The following SIAH3 variants were observed in gnomAD, a reference collection of about 807,000 sequenced individuals.
SIAH3 encodes siah E3 ubiquitin protein ligase family member 3, also known as seven in absentia homolog 3.
A neutral mutation model predicts 12.6 loss-of-function variants in SIAH3; 9 were observed. That is an observed-to-expected ratio of 0.72 (90% confidence interval 0.43 to 1.25). The LOEUF (loss-of-function observed/expected upper bound fraction) is 1.25. Among genes scored for constraint, SIAH3 ranks in the 50% most tolerant of loss-of-function variants. The pLI is 0.00. For synonymous variants in SIAH3, 154 were observed against 151.1 expected (o/e 1.02, Z -0.14); for missense variants, 390 against 365.4 (o/e 1.07, Z -0.55).
At chr13:45,785,149 G>T (rs1410002087) in intron 1 of SIAH3, among the ~76,000 whole-genome samples, 1 of 152,172 alleles carries the variant, frequency 6.6e-6, no homozygotes, top group African/African-American at 2.4e-5. Context: ...CCCCCATCCA[G>T]TGATTCCTGC....
chr13:45,851,448 G>A, intron 1 of SIAH3, 47 bp downstream of exon 1: 1 of 1,604,380 alleles, frequency 6.2e-7, no homozygotes, highest in Non-Finnish European at 8.5e-7. Flanking sequence ...CTCCGAGAAA[G>A]GACTTGAACC....
At position 45,811,714 on chromosome 13, in the gene SIAH3, G is replaced by A. The variant is rs371493193; in HGVS notation, c.136-27657C>T. Reference sequence around the variant, plus strand: ...CAGGAAACCACTTCAGGATCCTAGCGTTCTGAAGTCAGAGTTCAGGGCAGG... The same window carrying A: ...CAGGAAACCACTTCAGGATCCTAGCATTCTGAAGTCAGAGTTCAGGGCAGG... On this transcript the variant is annotated intron_variant, in intron 1 of 1. Coordinates refer to ENST00000400405, the MANE Select transcript of SIAH3 (RefSeq NM_198849.3). Among the ~76,000 whole-genome samples, 36 of 152,322 alleles carry A rather than the reference G, an allele frequency of 2.4e-4. No individual in the cohort carries two copies. In the South Asian group the frequency reaches 4.4e-3, roughly 18 times the overall value.
intron 1 of SIAH3, among the ~76,000 whole-genome samples, chr13:45,791,502 G>T (rs984518977): frequency 6.6e-6 from 1 of 151,092 alleles, no homozygotes; most frequent in Non-Finnish European, 1.5e-5. Flanking sequence ...TAGAAATATG[G>T]TGTGTGTGTG....
At chr13:45,826,801 T>G (rs1039921091) in intron 1 of SIAH3, among the ~76,000 whole-genome samples, 3 of 152,094 alleles carry the variant, frequency 2.0e-5, no homozygotes, top group African/African-American at 7.2e-5. Flanking sequence ...AAAGATAATG[T>G]GAGGGCTGAG....
At chr13:45,801,849 C>G (rs1421740932) in intron 1 of SIAH3, among the ~76,000 whole-genome samples, 1 of 152,152 alleles carries the variant, frequency 6.6e-6, no homozygotes, top group Non-Finnish European at 1.5e-5. Context: ...TTAGTCTAGG[C>G]AAGCAGATGA....
rs557683518 is a variant in SIAH3, at chr13:45,779,580, A to G, written c.*3803T>C. ...ACCCGGTCCCAGGCCCAGCTCTGCCATTTGCTAGCTGGGTGATCTTAAGCA... is the reference window on the plus strand; with the variant it reads ...ACCCGGTCCCAGGCCCAGCTCTGCCGTTTGCTAGCTGGGTGATCTTAAGCA... On this transcript the variant is annotated 3_prime_UTR_variant, in exon 2 of 2. Transcript: ENST00000400405. The G allele has an allele frequency of 2.0e-3, 310 of 152,254 alleles. 2 individuals are homozygous for G. The highest frequency in any genetic ancestry group is 7.2e-3 in the African/African-American group (300 of 41,532). 9.4% of individuals were successfully genotyped at this position (152,254 alleles called of 1,614,324 possible). A position where few individuals can be genotyped will look rare whatever the true frequency, so the allele number is the denominator to read the frequency against.
At chr13:45,806,977 C>A (rs1487596903) in intron 1 of SIAH3, among the ~76,000 whole-genome samples, 1 of 151,962 alleles carries the variant, frequency 6.6e-6, no homozygotes, top group East Asian at 1.9e-4. Flanking sequence ...AATGAGAGAA[C>A]CAACTGGAAA....
chr13:45,812,663 CACACACACACAG>C (rs904160543), intron 1 of SIAH3, among the ~76,000 whole-genome samples: 6 of 151,820 alleles, frequency 4.0e-5, no homozygotes, highest in African/African-American at 1.5e-4. Context: ...AAATATATAA[CACACACACACAG>C]ACACACACAC....
At chr13:45,838,828 A>G (rs1344249051) in intron 1 of SIAH3, among the ~76,000 whole-genome samples, 1 of 151,864 alleles carries the variant, frequency 6.6e-6, no homozygotes, top group African/African-American at 2.4e-5. Context: ...CAATGTGGAC[A>G]CAGTCCCTCC....
intron 1 of SIAH3, among the ~76,000 whole-genome samples, chr13:45,818,055 A>G (rs1315339694): frequency 6.6e-6 from 1 of 152,196 alleles, no homozygotes; most frequent in Non-Finnish European, 1.5e-5. Context: ...TTGACAAATG[A>G]TGTGGAGAAA....
chr13:45,796,980 G>A lies in SIAH3; in HGVS notation c.136-12923C>T, dbSNP rs1593377374. Reference sequence around the variant, plus strand: ...GCAGAAGGGAGAATTCCTGCCCCCAGGGCTTGGGAGGCTGGCAGGCTGGCC... The same window carrying A: ...GCAGAAGGGAGAATTCCTGCCCCCAAGGCTTGGGAGGCTGGCAGGCTGGCC... On this transcript the variant is annotated intron_variant, in intron 1 of 1. Transcript: ENST00000400405. Among the ~76,000 whole-genome samples the A allele has an allele frequency of 3.3e-5, 5 of 152,210 alleles. No individual in the cohort carries two copies. In the South Asian group the frequency reaches 1.0e-3, roughly 31 times the overall value.
rs145892939 is a variant in SIAH3, at chr13:45,794,145, T to A, written c.136-10088A>T. 6.4e-3 allele frequency among the ~76,000 whole-genome samples: 961 copies of A among 150,692 alleles called. 3 individuals carry two copies. Among genetic ancestry groups the A allele is most frequent in the South Asian group, 0.024 (114 of 4,750 alleles). ...TCTTACTCTGTCACCCAGGCTGGAG[T>A]ACAGTGGTGTGATCTTGGCTCACTG... is the stretch of plus-strand genomic sequence containing the variant. On this transcript the variant is annotated intron_variant, in intron 1 of 1. Coordinates refer to ENST00000400405, the MANE Select transcript of SIAH3 (RefSeq NM_198849.3).
intron 1 of SIAH3, among the ~76,000 whole-genome samples, chr13:45,785,045 A>G (rs988130960): frequency 6.6e-6 from 1 of 152,248 alleles, no homozygotes. Flanking sequence ...TTGAAGAAAC[A>G]GGCTTCAGTA....
intron 1 of SIAH3, among the ~76,000 whole-genome samples, chr13:45,820,213 C>T (rs373598987): frequency 6.6e-6 from 1 of 152,162 alleles, no homozygotes; most frequent in Non-Finnish European, 1.5e-5. Flanking sequence ...ACAGCACCTC[C>T]CCAGATGGTT....
chr13:45,807,710 G>C (rs558541006), intron 1 of SIAH3, among the ~76,000 whole-genome samples: 1 of 152,198 alleles, frequency 6.6e-6, no homozygotes, highest in Non-Finnish European at 1.5e-5. Flanking sequence ...CCAGATGGCA[G>C]CAAGGACTCT....
At chr13:45,814,477 C>T (rs913874351) in intron 1 of SIAH3, among the ~76,000 whole-genome samples, 1 of 151,958 alleles carries the variant, frequency 6.6e-6, no homozygotes, top group Admixed American at 6.6e-5. Flanking sequence ...TTAGAAGTGA[C>T]CTCTGGGAGG....
At chr13:45,835,688 G>A (rs538425432) in intron 1 of SIAH3, among the ~76,000 whole-genome samples, 5 of 152,242 alleles carry the variant, frequency 3.3e-5, no homozygotes, top group Admixed American at 2.0e-4. Context: ...TTAGCATTAC[G>A]CTAAACCTTA....
intron 1 of SIAH3, among the ~76,000 whole-genome samples, chr13:45,850,713 G>T (rs1377537099): frequency 6.6e-6 from 1 of 152,024 alleles, no homozygotes; most frequent in Admixed American, 6.5e-5. Flanking sequence ...CTCTAAAAGG[G>T]CACTGACCTG....
intron 1 of SIAH3, among the ~76,000 whole-genome samples, chr13:45,786,219 G>GGCC (rs2137548472): frequency 6.6e-6 from 1 of 152,176 alleles, no homozygotes; most frequent in South Asian, 2.1e-4. Flanking sequence ...CTGTCTGCAG[G>GGCC]GCCGGTAGGC....
Sources: allele counts gnomAD v4.1 joint callset (sites outside exome capture counted in the v4.1 genomes callset), GRCh38; gene constraint gnomAD v4.1.1; transcripts MANE v1.5; gene names NCBI Gene and HGNC (gene_info 2026-07-23, HGNC 2026-07-21).